The following COMTD1 variants were observed in gnomAD, a reference collection of about 807,000 sequenced individuals.
COMTD1 encodes the protein catechol O-methyltransferase domain-containing protein 1.
A neutral mutation model predicts 33.6 loss-of-function variants in COMTD1; 35 were observed. That is an observed-to-expected ratio of 1.04 (90% CI 0.80 to 1.38). The LOEUF (loss-of-function observed/expected upper bound fraction) is 1.38, where lower values mean the gene tolerates loss of function less well. COMTD1 is among the 40% of genes most tolerant of loss of function. The pLI is 0.00. For missense variants in COMTD1, 370 were observed against 363.4 expected (o/e 1.02, Z -0.15); for synonymous variants, 160 against 176.8 (o/e 0.91, Z 0.75).
chr10:75,235,128 C>A lies in COMTD1; in HGVS notation c.379G>T (p.Asp127Tyr). ...ALALALALPA[D>Y]GRVVTCEVDA... ...ACCTCGCAGGTCACCACGCGCCCGT[C>A]CGCGGGCAGCGCCAGGGCCAGGGCC... The change falls in exon 4 of 7, where the codon GAC becomes TAC. Residue 127 changes from aspartate to tyrosine, a missense_variant. Asp to Tyr is a radical substitution (Grantham distance 160, BLOSUM62 -3). Coordinates refer to ENST00000372538, the MANE Select transcript of COMTD1 (RefSeq NM_144589.4). 1.4e-6 allele frequency: 2 copies of A among 1,401,730 alleles called. No individual in the cohort carries two copies. Among genetic ancestry groups the A allele is most frequent in the Non-Finnish European group, 1.8e-6 (2 of 1,084,818 alleles). 86.8% of individuals were successfully genotyped at this position (1,401,730 alleles called of 1,614,324 possible). A position where few individuals can be genotyped will look rare whatever the true frequency, so the allele number is the denominator to read the frequency against.
At position 75,234,089 on chromosome 10, in the gene COMTD1, A is replaced by G. The variant is rs1239401988; in HGVS notation, c.773T>C (p.Leu258Ser). Residue 258 changes from leucine to serine, a missense_variant, in exon 7 of 7, where the codon TTG becomes TCG. Physicochemically the swap from Leu to Ser is moderately radical, Grantham distance 145. Transcript: ENST00000372538. ...GGGCCAGCCCTAGATCTTGAAGGCC[A>G]AGGTGAGTCCATCGCCCAGGGGCAG... ...SLLPLGDGLT[L>S]AFKI 1 of 1,613,900 alleles carries G rather than the reference A, an allele frequency of 6.2e-7. No individual in the cohort carries two copies. Among genetic ancestry groups the G allele is most frequent in the East Asian group, 2.2e-5 (1 of 44,892 alleles).
In COMTD1 at chr10:75,235,709, C is replaced by T. The variant is rs1842182340; in HGVS notation, c.129G>A (p.Glu43=). Residue 43 remains glutamate, a synonymous_variant, in exon 2 of 7, where the codon GAG becomes GAA. Coordinates refer to ENST00000372538, the MANE Select transcript of COMTD1 (RefSeq NM_144589.4). Reference sequence around the variant, plus strand: ...TGTCCTCGGGGGGAAGCAGGCACTGCTCTCGCCGGCCTCGCCATGGGGGGC... The same window carrying T: ...TGTCCTCGGGGGGAAGCAGGCACTGTTCTCGCCGGCCTCGCCATGGGGGGC... The part of the protein sequence containing the change: ...RRCPPWRGRR[E]QCLLPPEDSR... The T allele has an allele frequency of 2.5e-6, 4 of 1,599,704 alleles. No homozygotes were observed. The highest frequency in any genetic ancestry group is 2.7e-5 in the African/African-American group (2 of 74,578).
At chr10:75,235,427 G>C in intron 2 of COMTD1, 55 bp from the exon 3 acceptor site, 1 of 1,398,368 alleles carries the variant, frequency 7.2e-7, no homozygotes. Flanking sequence ...CTTCGCCCTG[G>C]GGGTCCCAAG....
chr10:75,234,476 G>T, intron 6 of COMTD1, 134 bp downstream of exon 6: 1 of 1,347,200 alleles, frequency 7.4e-7, no homozygotes, highest in Non-Finnish European at 1.0e-6. Context: ...TGGGTACCGG[G>T]GCCGGAGCCC....
chr10:75,235,331 G>A lies in COMTD1; in HGVS notation c.264C>T (p.Cys88=), dbSNP rs1367618434. 3.1e-6 allele frequency: 5 copies of A among 1,593,520 alleles called. No homozygotes were observed. Among genetic ancestry groups the A allele is most frequent in the Non-Finnish European group, 4.3e-6 (5 of 1,172,942 alleles). ...GGTTGGCCAAGAGCTGGGCCTGCTCGCAGGTCATCATAGAATCCCCCTGCG... is the reference window on the plus strand; with the variant it reads ...GGTTGGCCAAGAGCTGGGCCTGCTCACAGGTCATCATAGAATCCCCCTGCG... ...EQPQGDSMMT[C]EQAQLLANLA... The change falls in exon 3 of 7, where the codon TGC becomes TGT. Residue 88 remains cysteine, a synonymous_variant. Transcript: ENST00000372538.
intron 5 of COMTD1, 77 bp from the exon 6 acceptor site, chr10:75,234,820 G>A (rs1487899214): frequency 1.3e-6 from 2 of 1,528,970 alleles, no homozygotes; most frequent in East Asian, 2.5e-5. Context: ...GGCCGGCCCG[G>A]GCTCTGTGAC....
chr10:75,235,891 G>T lies in COMTD1; in HGVS notation c.38C>A (p.Ala13Glu). 1 of 1,486,730 alleles carries T rather than the reference G, an allele frequency of 6.7e-7. No individual in the cohort carries two copies. Among genetic ancestry groups the T allele is most frequent in the South Asian group, 1.3e-5 (1 of 78,480 alleles). The allele number at this position is 1,486,730 out of a possible 1,614,324, so 92.1% of individuals were successfully genotyped here. ...CAGTGCGGCTGAGCCCAGGGCCAGC[G>T]CGGCGGGCACGGAGAGCCGGGGCAC... ...QPVPRLSVPA[A>E]LALGSAALGA... Residue 13 changes from alanine to glutamate, a missense_variant, in exon 1 of 7, where the codon GCG becomes GAG. Coordinates refer to ENST00000372538, the MANE Select transcript of COMTD1 (RefSeq NM_144589.4).
intron 1 of COMTD1, 46 bp from the exon 2 acceptor site, chr10:75,235,789 T>A: frequency 6.4e-7 from 1 of 1,555,316 alleles, no homozygotes; most frequent in Non-Finnish European, 8.7e-7. Flanking sequence ...CGCCGCGCCC[T>A]ACTCTGCGCC....
chr10:75,235,797 G>GGGGGGGCCC, intron 1 of COMTD1, 38 bp downstream of exon 1: 2 of 1,538,638 alleles, frequency 1.3e-6, no homozygotes, highest in Non-Finnish European at 1.8e-6. Context: ...CCTACTCTGC[G>GGGGGGGCCC]CCCGCCCACC....
chr10:75,234,554 A>G, intron 6 of COMTD1, 56 bp downstream of exon 6: 1 of 1,511,226 alleles, frequency 6.6e-7, no homozygotes, highest in Non-Finnish European at 8.9e-7. Flanking sequence ...TCAAGGGAAA[A>G]GATGGGGACC....
At position 75,233,899 on chromosome 10, in the gene COMTD1, G is replaced by T; in HGVS notation, c.*174C>A. On this transcript the variant is annotated 3_prime_UTR_variant, in exon 7 of 7. Transcript: ENST00000372538. Reference sequence around the variant, plus strand: ...GACGAATCTCAAGGCCCCTTTCACTGAAGGCAGGAGCTGTCTGTGCTGGGC... The same window carrying T: ...GACGAATCTCAAGGCCCCTTTCACTTAAGGCAGGAGCTGTCTGTGCTGGGC... The T allele has an allele frequency of 6.9e-7, 1 of 1,446,364 alleles. No homozygotes were observed. Among genetic ancestry groups the T allele is most frequent in the Non-Finnish European group, 9.1e-7 (1 of 1,100,508 alleles). 89.6% of individuals were successfully genotyped at this position (1,446,364 alleles called of 1,614,324 possible). A position where few individuals can be genotyped will look rare whatever the true frequency, so the allele number is the denominator to read the frequency against.
At chr10:75,235,779 C>G (rs751213025) in intron 1 of COMTD1, 36 bp from the exon 2 acceptor site, 1 of 1,573,584 alleles carries the variant, frequency 6.4e-7, no homozygotes, top group Non-Finnish European at 8.6e-7. Context: ...ACCTGAGCCA[C>G]GCCGCGCCCT....
Position 75,235,919 on chromosome 10 carries a change from G to A in COMTD1, c.10C>T (p.Pro4Ser), listed in dbSNP as rs1403279096. The change falls in exon 1 of 7, where the codon CCG becomes TCG. Residue 4 changes from proline to serine, a missense_variant. Pro to Ser is a moderately conservative substitution (Grantham distance 74). Coordinates refer to ENST00000372538, the MANE Select transcript of COMTD1 (RefSeq NM_144589.4). The part of the protein sequence containing the change: MTQ[P>S]VPRLSVPAAL... Reference sequence around the variant, plus strand: ...GCGGGCACGGAGAGCCGGGGCACCGGCTGGGTCATGGCGCGGGCAGGAGGC... The same window carrying A: ...GCGGGCACGGAGAGCCGGGGCACCGACTGGGTCATGGCGCGGGCAGGAGGC... 6.8e-7 allele frequency: 1 copy of A among 1,467,844 alleles called. No homozygotes were observed. The highest frequency in any genetic ancestry group is 1.3e-5 in the South Asian group (1 of 74,244). 90.9% of individuals were successfully genotyped at this position (1,467,844 alleles called of 1,614,324 possible).
chr10:75,233,660 ATGT>A lies in COMTD1; in HGVS notation c.*410_*412del, dbSNP rs1257369700. On this transcript the variant is annotated 3_prime_UTR_variant, in exon 7 of 7. Coordinates refer to ENST00000372538, the MANE Select transcript of COMTD1 (RefSeq NM_144589.4). ...CCGTGGTCCCCTGCAATCCTCTTTC[ATGT>A]TGTCAGACACCAGACGTGGCTCTCT... 4.6e-5 allele frequency among the ~76,000 whole-genome samples: 7 copies of A among 152,292 alleles called. No homozygotes were observed. Among genetic ancestry groups the A allele is most frequent in the African/African-American group, 1.7e-4 (7 of 41,546 alleles).
chr10:75,234,818 C>T lies in COMTD1; in HGVS notation c.503-75G>A, dbSNP rs1027877183. On this transcript the variant is annotated intron_variant, in intron 5 of 6. Transcript: ENST00000372538. ...CCCTGAGGCCCCTCCCAGGCCGGCC[C>T]GGGCTCTGTGACAACCGGCCCTGCC... The T allele has an allele frequency of 5.9e-6, 9 of 1,528,702 alleles. No individual in the cohort carries two copies. In the African/African-American group the frequency reaches 8.5e-5, roughly 14 times the overall value. The allele number at this position is 1,528,702 out of a possible 1,614,324, so 94.7% of individuals were successfully genotyped here.
chr10:75,235,721 T>C lies in COMTD1; in HGVS notation c.117A>G (p.Arg39=). Reference sequence around the variant, plus strand: ...GAAGCAGGCACTGCTCTCGCCGGCCTCGCCATGGGGGGCACCGCCTCCCTG... The same window carrying C: ...GAAGCAGGCACTGCTCTCGCCGGCCCCGCCATGGGGGGCACCGCCTCCCTG... ...LFLGRRCPPW[R]GRREQCLLPP... Residue 39 remains arginine (R), a synonymous_variant, in exon 2 of 7, where the codon CGA becomes CGG. Coordinates refer to ENST00000372538, the MANE Select transcript of COMTD1 (RefSeq NM_144589.4). 6.2e-7 allele frequency: 1 copy of C among 1,601,538 alleles called. No individual in the cohort carries two copies. The highest frequency in any genetic ancestry group is 8.5e-7 in the Non-Finnish European group (1 of 1,175,498).
At chr10:75,234,429 A>G in intron 6 of COMTD1, 181 bp downstream of exon 6, 3 of 1,116,610 alleles carry the variant, frequency 2.7e-6, no homozygotes, top group Non-Finnish European at 2.5e-6. Context: ...GCAGGAGGTG[A>G]CCAGAGCTGG....
Position 75,235,491 on chromosome 10 carries a change from C to T in COMTD1, c.223-119G>A, listed in dbSNP as rs1249823865. 4 of 1,373,864 alleles carry T rather than the reference C, an allele frequency of 2.9e-6. 1 individual carries two copies. The highest frequency in any genetic ancestry group is 2.9e-6 in the Non-Finnish European group (3 of 1,045,622). The allele number at this position is 1,373,864 out of a possible 1,614,324, so 85.1% of individuals were successfully genotyped here. On this transcript the variant is annotated intron_variant, in intron 2 of 6. Transcript: ENST00000372538. The stretch of plus-strand genomic sequence containing the variant: ...TGGGGGACTGGCCCTTCGGAACGCC[C>T]ACCGCACCCGGCCCAGGGAAGCCGG...
chr10:75,235,893 G>A lies in COMTD1; in HGVS notation c.36C>T (p.Ala12=). ...GTGCGGCTGAGCCCAGGGCCAGCGC[G>A]GCGGGCACGGAGAGCCGGGGCACCG... is the stretch of plus-strand genomic sequence containing the variant. ...TQPVPRLSVP[A]ALALGSAALG... is the part of the protein sequence containing the mutation. Residue 12 remains alanine, a synonymous_variant, in exon 1 of 7, where the codon GCC becomes GCT. Transcript: ENST00000372538. The A allele has an allele frequency of 2.0e-6, 3 of 1,488,734 alleles. No individual in the cohort carries two copies. Among genetic ancestry groups the A allele is most frequent in the South Asian group, 1.3e-5 (1 of 78,122 alleles). The allele number at this position is 1,488,734 out of a possible 1,614,324, so 92.2% of individuals were successfully genotyped here.
Sources: allele counts gnomAD v4.1 joint callset (sites outside exome capture counted in the v4.1 genomes callset), GRCh38; gene constraint gnomAD v4.1.1; transcripts MANE v1.5; gene names NCBI Gene and HGNC (gene_info 2026-07-23, HGNC 2026-07-21).